The following EEPD1 variants were observed in gnomAD, a reference collection of about 807,000 sequenced individuals.
The protein encoded by EEPD1 is endonuclease/exonuclease/phosphatase family domain containing 1.
In EEPD1, 17 loss-of-function variants were observed where a neutral mutation model predicts 46.3. The observed-to-expected ratio is 0.37, with a 90% CI of 0.25 to 0.55. The LOEUF (loss-of-function observed/expected upper bound fraction) is 0.55. Among genes scored for constraint, EEPD1 ranks in the 20% least tolerant of loss-of-function variants. The pLI, the probability that EEPD1 is intolerant of heterozygous loss-of-function variation, is 0.83. For synonymous variants in EEPD1, 313 were observed against 315.6 expected, an observed-to-expected ratio of 0.99 and a Z score of 0.09; for missense variants, 673 against 745.6, an observed-to-expected ratio of 0.90 and a Z score of 1.13.
rs932784525 is a variant in EEPD1 at position 36,178,684 on chromosome 7, T to G, written c.878+23482T>G. ...CCTCAGGAGCCCTCCAGAATTGTAA[T>G]TACCATGAACACCTGTGCACCATCA... is the stretch of plus-strand genomic sequence containing the variant. On this transcript the variant is annotated intron_variant, in intron 2 of 7. Coordinates refer to ENST00000242108, the MANE Select transcript of EEPD1 (RefSeq NM_030636.3). Among the ~76,000 whole-genome samples the G allele has an allele frequency of 2.6e-5, 4 of 152,114 alleles. No homozygotes were observed. In the East Asian group the frequency reaches 7.7e-4, roughly 29 times the overall value.
At position 36,299,339 on chromosome 7, in the gene EEPD1, C is replaced by A; in HGVS notation, c.*133C>A. Reference sequence around the variant, plus strand: ...AGAGCATCAGCACTTGAGGCCTTGCCCCACGCCTTCTCTGTGGACCATTCA... The same window carrying A: ...AGAGCATCAGCACTTGAGGCCTTGCACCACGCCTTCTCTGTGGACCATTCA... On this transcript the variant is annotated 3_prime_UTR_variant, in exon 8 of 8. Coordinates refer to ENST00000242108, the MANE Select transcript of EEPD1 (RefSeq NM_030636.3). 2 of 1,101,688 alleles carry A rather than the reference C, an allele frequency of 1.8e-6. No homozygotes were observed. Among genetic ancestry groups the A allele is most frequent in the Non-Finnish European group, 2.6e-6 (2 of 781,816 alleles). 68.2% of individuals were successfully genotyped at this position (1,101,688 alleles called of 1,614,324 possible).
At chr7:36,162,601 G>A (rs549801925) in intron 2 of EEPD1, among the ~76,000 whole-genome samples, 1 of 152,102 alleles carries the variant, frequency 6.6e-6, no homozygotes, top group South Asian at 2.1e-4. Flanking sequence ...CTGAGATTGT[G>A]CCACTGCACT....
At chr7:36,255,885 T>C in intron 3 of EEPD1, among the ~76,000 whole-genome samples, 1 of 152,188 alleles carries the variant, frequency 6.6e-6, no homozygotes, top group Non-Finnish European at 1.5e-5. Context: ...ATTTGTTTGC[T>C]CATGCTTCTC....
At chr7:36,183,139 G>GTTCCC (rs1785303423) in intron 2 of EEPD1, among the ~76,000 whole-genome samples, 1 of 152,184 alleles carries the variant, frequency 6.6e-6, no homozygotes. Flanking sequence ...TGTTCTAACT[G>GTTCCC]TTCACCCACC....
chr7:36,199,909 C>A (rs536058216), intron 2 of EEPD1, among the ~76,000 whole-genome samples: 2 of 152,246 alleles, frequency 1.3e-5, no homozygotes, highest in East Asian at 3.9e-4. Context: ...GTCCCGAAGA[C>A]CAACCCTAAT....
At chr7:36,157,833 C>T (rs183156564) in intron 2 of EEPD1, among the ~76,000 whole-genome samples, 2 of 152,030 alleles carry the variant, frequency 1.3e-5, no homozygotes, top group Non-Finnish European at 2.9e-5. Flanking sequence ...GAGTAGATCT[C>T]GTGTCCTCAA....
chr7:36,274,696 C>T (rs777127577), intron 3 of EEPD1, among the ~76,000 whole-genome samples: 17 of 152,172 alleles, frequency 1.1e-4, no homozygotes, highest in Non-Finnish European at 2.4e-4. Flanking sequence ...TTTCCTAATG[C>T]TGTCCCTCCA....
chr7:36,271,143 C>T (rs570087075), intron 3 of EEPD1, among the ~76,000 whole-genome samples: 4 of 152,090 alleles, frequency 2.6e-5, no homozygotes, highest in Admixed American at 1.3e-4. Context: ...CCCGCCACCA[C>T]GCCCGGCTAA....
intron 2 of EEPD1, among the ~76,000 whole-genome samples, chr7:36,182,107 G>A (rs548500794): frequency 5.9e-5 from 9 of 152,294 alleles, no homozygotes; most frequent in African/African-American, 1.4e-4. Context: ...GTTGTGCATC[G>A]CAGCGTTGGT....
chr7:36,244,067 A>G (rs1786599099), intron 3 of EEPD1, among the ~76,000 whole-genome samples: 1 of 149,656 alleles, frequency 6.7e-6, no homozygotes, highest in East Asian at 2.0e-4. Context: ...AAAAAAAGAA[A>G]ATAGTCTTAA....
At chr7:36,169,527 A>G (rs1404934406) in intron 2 of EEPD1, among the ~76,000 whole-genome samples, 1 of 152,174 alleles carries the variant, frequency 6.6e-6, no homozygotes, top group Non-Finnish European at 1.5e-5. Flanking sequence ...TTATTTGTAT[A>G]TCTTCTTTGG....
At chr7:36,171,574 C>T (rs1255974099) in intron 2 of EEPD1, among the ~76,000 whole-genome samples, 3 of 152,204 alleles carry the variant, frequency 2.0e-5, no homozygotes, top group African/African-American at 2.4e-5. Context: ...ATGTGTCTGA[C>T]CACAGACATA....
intron 2 of EEPD1, among the ~76,000 whole-genome samples, chr7:36,229,514 A>C: frequency 6.6e-6 from 1 of 152,112 alleles, no homozygotes; most frequent in Non-Finnish European, 1.5e-5. Context: ...CTCCTTGGAA[A>C]ATCATGCTGT....
chr7:36,183,876 T>TTG (rs924945792), intron 2 of EEPD1, among the ~76,000 whole-genome samples: 1 of 59,610 alleles, frequency 1.7e-5, no homozygotes, highest in Non-Finnish European at 5.0e-5. Flanking sequence ...CTAGCCCTCG[T>TTG]TTTTTTTTTT....
chr7:36,237,943 T>A (rs1275691106), intron 2 of EEPD1, among the ~76,000 whole-genome samples: 6 of 152,152 alleles, frequency 3.9e-5, no homozygotes, highest in African/African-American at 1.4e-4. Context: ...AGAGTGAGAC[T>A]GTCTCAAAAA....
intron 3 of EEPD1, among the ~76,000 whole-genome samples, chr7:36,280,815 G>A (rs1376868277): frequency 2.0e-5 from 3 of 152,222 alleles, no homozygotes; most frequent in Non-Finnish European, 2.9e-5. Flanking sequence ...GGATTCTGAT[G>A]ACTTTTTTTG....
intron 2 of EEPD1, among the ~76,000 whole-genome samples, chr7:36,226,843 C>T (rs1480319832): frequency 6.6e-6 from 1 of 151,894 alleles, no homozygotes; most frequent in Non-Finnish European, 1.5e-5. Context: ...AAAAGTATGG[C>T]TTTATATATA....
chr7:36,158,803 C>T (rs1477690796), intron 2 of EEPD1, among the ~76,000 whole-genome samples: 1 of 152,150 alleles, frequency 6.6e-6, no homozygotes, highest in Non-Finnish European at 1.5e-5. Flanking sequence ...TTCATTTTTA[C>T]TTATTTATTT....
chr7:36,289,938 T>C (rs964608940), intron 6 of EEPD1, among the ~76,000 whole-genome samples: 2 of 152,244 alleles, frequency 1.3e-5, no homozygotes, highest in Non-Finnish European at 2.9e-5. Context: ...TGAAGATTGA[T>C]GTGCAGCAGC....
Sources: gnomAD v4.1 joint callset for allele counts (sites outside exome capture counted in the v4.1 genomes callset) on GRCh38, gnomAD v4.1.1 for gene constraint, MANE v1.5 for transcripts, NCBI Gene and HGNC (gene_info 2026-07-23, HGNC 2026-07-21) for gene names.